The following MIR2052HG variants were observed in gnomAD, a reference collection of about 807,000 sequenced individuals.
The protein encoded by MIR2052HG is MIR2052 host gene.
At chr8:74,691,254 C>G (rs1180660153) in intron 2 of MIR2052HG, among the ~76,000 whole-genome samples, 1 of 152,152 alleles carries the variant, frequency 6.6e-6, no homozygotes, top group Non-Finnish European at 1.5e-5. Context: ...CTCTTTGCAT[C>G]TTGGATGGAG....
At position 74,621,742 on chromosome 8, in the gene MIR2052HG, C is replaced by T. The variant is rs749329966; in HGVS notation, n.216+8802C>T. Among the ~76,000 whole-genome samples the T allele has an allele frequency of 4.6e-5, 7 of 152,086 alleles. No individual in the cohort carries two copies. The East Asian group carries it at 7.7e-4, about 17-fold the overall frequency. On this transcript the variant is annotated intron_variant and non_coding_transcript_variant, in intron 2 of 6. Coordinates refer to ENST00000523442, the Ensembl canonical transcript of MIR2052HG. ...ACACAGAGCCAAACCATGTCACCAC[C>T]GGAACAGAATGGAGAGCTCAGATTT...
At chr8:74,678,330 C>T (rs529697838) in intron 2 of MIR2052HG, among the ~76,000 whole-genome samples, 13 of 151,856 alleles carry the variant, frequency 8.6e-5, no homozygotes, top group Non-Finnish European at 1.8e-4. Flanking sequence ...AGGCCAAGGC[C>T]GGCAGATCGC....
intron 2 of MIR2052HG, among the ~76,000 whole-genome samples, chr8:74,639,445 A>G (rs1808615356): frequency 6.6e-6 from 1 of 152,166 alleles, no homozygotes; most frequent in African/African-American, 2.4e-5. Context: ...TTTTTTAGGT[A>G]CAGAAACTCT....
rs118035563 is a variant in MIR2052HG at position 74,645,965 on chromosome 8, T to A, written n.216+33025T>A. Reference sequence around the variant, plus strand: ...ATATTTTTTTCATCAATGACCCCTATTAGGAAACTATGTATTTATTTGTTT... The same window carrying A: ...ATATTTTTTTCATCAATGACCCCTAATAGGAAACTATGTATTTATTTGTTT... On this transcript the variant is annotated intron_variant and non_coding_transcript_variant, in intron 2 of 6. Transcript: ENST00000523442. Among the ~76,000 whole-genome samples the A allele has an allele frequency of 6.4e-3, 969 of 152,312 alleles. 4 individuals carry two copies. Among genetic ancestry groups the A allele is most frequent in the Non-Finnish European group, 0.01 (706 of 68,024 alleles).
intron 4 of MIR2052HG, among the ~76,000 whole-genome samples, chr8:74,711,730 A>T (rs898534743): frequency 2.0e-5 from 3 of 152,274 alleles, no homozygotes; most frequent in Non-Finnish European, 4.4e-5. Flanking sequence ...AACCTGATGT[A>T]GTAATGGCTG....
intron 4 of MIR2052HG, among the ~76,000 whole-genome samples, chr8:74,723,650 G>A (rs1235358596): frequency 1.3e-5 from 2 of 152,092 alleles, no homozygotes; most frequent in African/African-American, 2.4e-5. Context: ...TTTTATTATT[G>A]TAATTTTTAG....
At chr8:74,679,674 C>T (rs1809098561) in intron 2 of MIR2052HG, among the ~76,000 whole-genome samples, 1 of 151,830 alleles carries the variant, frequency 6.6e-6, no homozygotes, top group African/African-American at 2.4e-5. Flanking sequence ...ACTCATCTGC[C>T]ACCACACCCG....
At chr8:74,638,073 A>G (rs1245376113) in intron 2 of MIR2052HG, among the ~76,000 whole-genome samples, 1 of 152,170 alleles carries the variant, frequency 6.6e-6, no homozygotes, top group African/African-American at 2.4e-5. Context: ...GATATTACTT[A>G]CAATGGGAAT....
At chr8:74,739,439 A>G (rs912023585) in intron 4 of MIR2052HG, among the ~76,000 whole-genome samples, 3 of 152,188 alleles carry the variant, frequency 2.0e-5, no homozygotes, top group Admixed American at 6.6e-5. Flanking sequence ...TGTGATAAGT[A>G]TCTACCTTTT....
At position 74,673,910 on chromosome 8, in the gene MIR2052HG, T is replaced by TATATACAC. The variant is rs1485340799; in HGVS notation, n.217-28468_217-28467insTATACACA. ...TTGTATATATATATATATATATATA[T>TATATACAC]ACACACACAAAATATCTATCTATAT... On this transcript the variant is annotated intron_variant and non_coding_transcript_variant, in intron 2 of 6. Coordinates refer to ENST00000523442, the Ensembl canonical transcript of MIR2052HG. 2.6e-4 allele frequency among the ~76,000 whole-genome samples: 34 copies of TATATACAC among 133,110 alleles called. 2 individuals are homozygous for TATATACAC. The highest frequency in any genetic ancestry group is 1.1e-3 in the Admixed American group (15 of 13,940). 87.3% of individuals were successfully genotyped at this position (133,110 alleles called of 152,430 possible). A position where few individuals can be genotyped will look rare whatever the true frequency, so the allele number is the denominator to read the frequency against.
At chr8:74,612,932 G>A (rs1407761734) in exon 2 of MIR2052HG, 4 of 456,144 alleles carry the variant, frequency 8.8e-6, no homozygotes, top group Non-Finnish European at 1.8e-5. Flanking sequence ...TCCAGAACTG[G>A]AGTGGAAGGT....
At chr8:74,728,797 G>A (rs1164928939) in intron 4 of MIR2052HG, among the ~76,000 whole-genome samples, 3 of 152,152 alleles carry the variant, frequency 2.0e-5, no homozygotes, top group African/African-American at 7.2e-5. Flanking sequence ...TAGTAGTTAA[G>A]ATTCAAAGTC....
intron 2 of MIR2052HG, among the ~76,000 whole-genome samples, chr8:74,616,911 C>T (rs181055826): frequency 2.1e-3 from 316 of 151,874 alleles, no homozygotes; most frequent in Non-Finnish European, 3.5e-3. Flanking sequence ...GAGGATATGC[C>T]ACATGCCAGC....
chr8:74,639,358 T>C (rs1808614471), intron 2 of MIR2052HG, among the ~76,000 whole-genome samples: 4 of 152,230 alleles, frequency 2.6e-5, no homozygotes, highest in Admixed American at 2.6e-4. Context: ...TGTCATTTTA[T>C]ACACCTTATA....
chr8:74,628,894 A>T (rs955025866), intron 2 of MIR2052HG: 1 of 47,878 alleles, frequency 2.1e-5, no homozygotes. Context: ...TGGAAAAAGA[A>T]AAAAAAAATT....
intron 2 of MIR2052HG, among the ~76,000 whole-genome samples, chr8:74,677,182 T>C (rs757402679): frequency 2.0e-5 from 3 of 151,894 alleles, no homozygotes; most frequent in Non-Finnish European, 4.4e-5. Context: ...ACTAATAAAA[T>C]CAGTTCAATA....
intron 2 of MIR2052HG, among the ~76,000 whole-genome samples, chr8:74,664,757 A>T (rs915356856): frequency 1.6e-4 from 25 of 152,148 alleles, no homozygotes; most frequent in African/African-American, 5.1e-4. Context: ...ACCTCAGGTG[A>T]TTCGCCCACC....
chr8:74,613,807 G>A (rs1223490512), intron 2 of MIR2052HG, among the ~76,000 whole-genome samples: 3 of 152,146 alleles, frequency 2.0e-5, no homozygotes, highest in African/African-American at 7.2e-5. Flanking sequence ...CAATTTTTAA[G>A]CCATTATCAG....
intron 2 of MIR2052HG, among the ~76,000 whole-genome samples, chr8:74,637,436 C>G (rs909142002): frequency 2.8e-4 from 42 of 152,156 alleles, no homozygotes; most frequent in Non-Finnish European, 5.4e-4. Context: ...TGCGTGCACA[C>G]ACACACACAC....
Sources: allele counts gnomAD v4.1 joint callset (sites outside exome capture counted in the v4.1 genomes callset), GRCh38; gene constraint gnomAD v4.1.1; transcripts MANE v1.5; gene names NCBI Gene and HGNC (gene_info 2026-07-23, HGNC 2026-07-21).